Variants in RAB28 observed in about 807,000 individuals in gnomAD.
RAB28 encodes the protein ras-related protein Rab-28.
RAB28 carries 24 observed loss-of-function variants against 31.7 expected under a neutral mutation model. The ratio of observed to expected loss-of-function variants is 0.76; its 90% CI spans 0.55 to 1.06. The LOEUF is 1.06. RAB28 is among the 50% of genes least tolerant of loss of function. RAB28 has a pLI of 0.00. For missense variants in RAB28, 254 were observed against 258.5 expected, an observed-to-expected ratio of 0.98 and a Z score of 0.12; for synonymous variants, 100 against 90.4, an observed-to-expected ratio of 1.11 and a Z score of -0.60.
intron 3 of RAB28, chr4:13,473,709 C>T (rs933612612): frequency 1.1e-5 from 3 of 264,654 alleles, no homozygotes; most frequent in Admixed American, 5.2e-5. Flanking sequence ...GCTCATGTTG[C>T]GAAATTTATG....
At chr4:13,475,290 G>A (rs997849838) in intron 2 of RAB28, among the ~76,000 whole-genome samples, 7 of 151,472 alleles carry the variant, frequency 4.6e-5, no homozygotes, top group Non-Finnish European at 5.9e-5. Flanking sequence ...GCTTACAAAA[G>A]CCAAACTATG....
chr4:13,478,030 T>C (rs1227838988), intron 2 of RAB28, among the ~76,000 whole-genome samples: 1 of 149,920 alleles, frequency 6.7e-6, no homozygotes, highest in African/African-American at 2.5e-5. Flanking sequence ...CAAAACAAAA[T>C]AGCTAATAAT....
intron 6 of RAB28, among the ~76,000 whole-genome samples, chr4:13,376,066 G>A (rs906174274): frequency 5.9e-5 from 9 of 151,912 alleles, no homozygotes; most frequent in African/African-American, 1.9e-4. Context: ...CTTGGCTGCC[G>A]CTATGCATGT....
chr4:13,472,427 T>G (rs1716162513), intron 3 of RAB28, among the ~76,000 whole-genome samples: 1 of 151,538 alleles, frequency 6.6e-6, no homozygotes, highest in Non-Finnish European at 1.5e-5. Context: ...AATAAATTTT[T>G]AAATGACTTG....
chr4:13,431,220 T>C (rs1713789238), intron 4 of RAB28, among the ~76,000 whole-genome samples: 1 of 152,154 alleles, frequency 6.6e-6, no homozygotes, highest in Non-Finnish European at 1.5e-5. Context: ...CCCATTTTAG[T>C]AGTAGTAGTC....
At chr4:13,425,909 G>A (rs1560288351) in intron 4 of RAB28, among the ~76,000 whole-genome samples, 1 of 152,118 alleles carries the variant, frequency 6.6e-6, no homozygotes, top group Non-Finnish European at 1.5e-5. Context: ...GTCCTCATAG[G>A]ATTAGCACTT....
At chr4:13,450,051 A>G (rs964644261) in intron 4 of RAB28, among the ~76,000 whole-genome samples, 4 of 151,894 alleles carry the variant, frequency 2.6e-5, no homozygotes, top group South Asian at 2.1e-4. Context: ...TAAAAAGTTA[A>G]TCTTTTTAAA....
chr4:13,410,764 G>A (rs550204372), intron 4 of RAB28, among the ~76,000 whole-genome samples: 1 of 152,188 alleles, frequency 6.6e-6, no homozygotes, highest in East Asian at 1.9e-4. Context: ...ACAGGCTAAG[G>A]TAAGGAAAAG....
chr4:13,408,552 A>C (rs1712237507), intron 4 of RAB28, among the ~76,000 whole-genome samples: 1 of 152,202 alleles, frequency 6.6e-6, no homozygotes, highest in Non-Finnish European at 1.5e-5. Context: ...GAGGAGTCGC[A>C]CTTTTTCTAT....
chr4:13,436,113 T>C (rs1188046811), intron 4 of RAB28, among the ~76,000 whole-genome samples: 1 of 152,124 alleles, frequency 6.6e-6, no homozygotes, highest in Admixed American at 6.5e-5. Context: ...AACCATATGA[T>C]CATCTCAATA....
chr4:13,431,764 C>G (rs900564515), intron 4 of RAB28, among the ~76,000 whole-genome samples: 4 of 151,792 alleles, frequency 2.6e-5, no homozygotes, highest in Admixed American at 2.6e-4. Flanking sequence ...ACAGTAATAC[C>G]CTCAAGGAAA....
chr4:13,406,927 A>T (rs1037489882), intron 4 of RAB28, among the ~76,000 whole-genome samples: 2 of 152,006 alleles, frequency 1.3e-5, no homozygotes, highest in Non-Finnish European at 2.9e-5. Flanking sequence ...ATTTGCAAAA[A>T]TTTTCTCCCA....
At chr4:13,374,352 T>C (rs920952669) in intron 6 of RAB28, among the ~76,000 whole-genome samples, 3 of 152,138 alleles carry the variant, frequency 2.0e-5, no homozygotes, top group African/African-American at 7.2e-5. Flanking sequence ...ATTAAGCCCA[T>C]ATCTAAAGTC....
At chr4:13,440,676 T>C (rs929268770) in intron 4 of RAB28, among the ~76,000 whole-genome samples, 1 of 152,136 alleles carries the variant, frequency 6.6e-6, no homozygotes, top group Non-Finnish European at 1.5e-5. Context: ...GGCTCTGATG[T>C]GGACTGAATT....
intron 4 of RAB28, among the ~76,000 whole-genome samples, chr4:13,437,418 T>A (rs1353018923): frequency 2.6e-5 from 4 of 151,742 alleles, no homozygotes; most frequent in Admixed American, 6.6e-5. Flanking sequence ...ATCTACAGAG[T>A]AAGTAGGCAA....
chr4:13,375,768 A>ACACACACACACACAC (rs1728894857), intron 6 of RAB28, among the ~76,000 whole-genome samples: 26 of 148,068 alleles, frequency 1.8e-4, no homozygotes, highest in African/African-American at 6.2e-4. Flanking sequence ...ATTGTTTTAA[A>ACACACACACACACAC]ACACACACAC....
At chr4:13,426,560 T>C (rs1004906501) in intron 4 of RAB28, among the ~76,000 whole-genome samples, 2 of 152,148 alleles carry the variant, frequency 1.3e-5, no homozygotes, top group Non-Finnish European at 2.9e-5. Context: ...CAACTGTCCA[T>C]TTTTAATACT....
chr4:13,376,710 C>A, intron 5 of RAB28, 88 bp from the exon 6 acceptor site: 3 of 829,466 alleles, frequency 3.6e-6, no homozygotes, highest in South Asian at 4.5e-5. Context: ...AAATGATAAA[C>A]AGCAATAATT....
intron 4 of RAB28, among the ~76,000 whole-genome samples, chr4:13,428,289 T>A (rs1713622441): frequency 6.6e-6 from 1 of 152,162 alleles, no homozygotes; most frequent in African/African-American, 2.4e-5. Context: ...GTCTCCTCCC[T>A]TATAAGCACC....
Sources: gnomAD v4.1 joint callset for allele counts (sites outside exome capture counted in the v4.1 genomes callset) on GRCh38, gnomAD v4.1.1 for gene constraint, MANE v1.5 for transcripts, NCBI Gene and HGNC (gene_info 2026-07-23, HGNC 2026-07-21) for gene names.